The following RUNX1T1 variants were observed in gnomAD, a reference collection of about 807,000 sequenced individuals.
RUNX1T1 encodes protein CBFA2T1.
A neutral mutation model predicts 62.8 loss-of-function variants in RUNX1T1; 4 were observed. The ratio of observed to expected loss-of-function variants is 0.06; its 90% CI spans 0.03 to 0.15. RUNX1T1 has a LOEUF of 0.15. Ranked by LOEUF, RUNX1T1 falls within the 10% of genes least tolerant of loss-of-function variation. RUNX1T1 has a pLI of 1.00. For synonymous variants in RUNX1T1, 291 were observed against 286.0 expected, an observed-to-expected ratio of 1.02 and a Z score of -0.18; for missense variants, 508 against 754.3, an observed-to-expected ratio of 0.67 and a Z score of 3.82.
At chr8:91,969,264 G>T (rs1812272170) in intron 10 of RUNX1T1, among the ~76,000 whole-genome samples, 1 of 152,142 alleles carries the variant, frequency 6.6e-6, no homozygotes, top group South Asian at 2.1e-4. Context: ...AAGGAATACA[G>T]CATGTTACTG....
At chr8:91,963,232 A>G (rs1810895805) in intron 10 of RUNX1T1, among the ~76,000 whole-genome samples, 1 of 152,104 alleles carries the variant, frequency 6.6e-6, no homozygotes, top group African/African-American at 2.4e-5. Flanking sequence ...TTTTACCTCT[A>G]GTTTCATTCT....
At chr8:92,069,862 T>A (rs2086761775) in intron 2 of RUNX1T1, among the ~76,000 whole-genome samples, 1 of 152,206 alleles carries the variant, frequency 6.6e-6, no homozygotes, top group African/African-American at 2.4e-5. Context: ...GCATATACCA[T>A]AATCTTATTA....
intron 1 of RUNX1T1, among the ~76,000 whole-genome samples, chr8:92,060,553 A>ATATATATGTGTGTGTGTGTGTGTGTG: frequency 3.0e-4 from 19 of 63,920 alleles, no homozygotes; most frequent in African/African-American, 9.8e-4. Flanking sequence ...ATATATATAT[A>ATATATATGTGTGTGTGTGTGTGTGTG]TGTGTGTGTG....
At chr8:92,086,070 G>A (rs1587560006) in intron 1 of RUNX1T1, among the ~76,000 whole-genome samples, 1 of 152,148 alleles carries the variant, frequency 6.6e-6, no homozygotes, top group Non-Finnish European at 1.5e-5. Flanking sequence ...TTGGTCTACA[G>A]ACAGTGCTTG....
At chr8:91,986,894 A>G in exon 7 of RUNX1T1, 1 of 1,596,882 alleles carries the variant, frequency 6.3e-7, no homozygotes, top group Middle Eastern at 1.7e-4. Flanking sequence ...TACATGGTCA[A>G]GATGTTTCCA....
At chr8:91,999,351 C>A (rs562672524) in intron 5 of RUNX1T1, among the ~76,000 whole-genome samples, 29 of 152,244 alleles carry the variant, frequency 1.9e-4, no homozygotes, top group Admixed American at 1.2e-3. Context: ...CATATAAACT[C>A]AAGAGGCTTA....
chr8:92,095,404 C>A lies in RUNX1T1; in HGVS notation c.-86+4176G>T, dbSNP rs1253449499. On this transcript the variant is annotated intron_variant, in intron 1 of 11. Transcript: ENST00000265814. ...GGCCGAGGCGGCACCCAGACCGCGGCTTTGTATTCATTAAACACACATTGG... is the reference window on the plus strand; with the variant it reads ...GGCCGAGGCGGCACCCAGACCGCGGATTTGTATTCATTAAACACACATTGG... The A allele has an allele frequency of 2.6e-6, 4 of 1,535,360 alleles. No individual in the cohort carries two copies. The East Asian group carries it at 9.8e-5, about 38-fold the overall frequency.
intron 1 of RUNX1T1, among the ~76,000 whole-genome samples, chr8:92,086,472 C>T (rs1385451990): frequency 6.6e-6 from 1 of 152,142 alleles, no homozygotes; most frequent in Non-Finnish European, 1.5e-5. Context: ...ATGAGGGAGC[C>T]AAGTCCTACA....
chr8:91,965,333 G>A (rs2130518771), intron 10 of RUNX1T1, among the ~76,000 whole-genome samples: 1 of 152,222 alleles, frequency 6.6e-6, no homozygotes, highest in South Asian at 2.1e-4. Context: ...CTTATTAAAT[G>A]CCTCTTGTTG....
At chr8:92,050,424 C>T (rs1321411944) in intron 1 of RUNX1T1, among the ~76,000 whole-genome samples, 1 of 152,174 alleles carries the variant, frequency 6.6e-6, no homozygotes, top group Admixed American at 6.5e-5. Context: ...ATTATGATCC[C>T]TATGTCAGTG....
In RUNX1T1 at chr8:92,017,209, C is replaced by CT. The variant is rs777137708; in HGVS notation, c.145+16dup. 2.0e-6 allele frequency: 3 copies of CT among 1,530,400 alleles called. No homozygotes were observed. The highest frequency in any genetic ancestry group is 2.7e-6 in the Non-Finnish European group (3 of 1,119,004). 94.8% of individuals were successfully genotyped at this position (1,530,400 alleles called of 1,614,324 possible). A position where few individuals can be genotyped will look rare whatever the true frequency, so the allele number is the denominator to read the frequency against. ...AACTTTAAAACTGAAACTCAAAAGC[C>CT]TGAAATGACTACTTACACGTTGTCG... On this transcript the variant is annotated intron_variant, in intron 2 of 10. Coordinates refer to ENST00000396218, the Ensembl canonical transcript of RUNX1T1.
chr8:92,058,026 G>C (rs1242042296), intron 1 of RUNX1T1, among the ~76,000 whole-genome samples: 5 of 152,182 alleles, frequency 3.3e-5, no homozygotes, highest in Non-Finnish European at 1.5e-5. Context: ...CATTCCAATA[G>C]GCGTTCGTGT....
chr8:92,080,586 T>C (rs1005611128), intron 1 of RUNX1T1, among the ~76,000 whole-genome samples: 3 of 152,252 alleles, frequency 2.0e-5, no homozygotes, highest in African/African-American at 7.2e-5. Context: ...GCATGTCAGC[T>C]GTTGTAGAAA....
chr8:92,036,861 CCTCT>C (rs1269224074), intron 1 of RUNX1T1, among the ~76,000 whole-genome samples: 1 of 152,126 alleles, frequency 6.6e-6, no homozygotes, highest in African/African-American at 2.4e-5. Context: ...TCAGTACCTC[CCTCT>C]AACTCCGATC....
chr8:92,005,384 G>A (rs1293485745), intron 4 of RUNX1T1, 87 bp from the exon 6 acceptor site: 27 of 1,206,838 alleles, frequency 2.2e-5, no homozygotes, highest in African/African-American at 3.1e-5. Context: ...CACTGGAGAA[G>A]AGTATGCAAT....
intron 1 of RUNX1T1, among the ~76,000 whole-genome samples, chr8:92,089,295 G>C (rs776315547): frequency 6.6e-6 from 1 of 152,094 alleles, no homozygotes; most frequent in Non-Finnish European, 1.5e-5. Context: ...ACAAACTAAA[G>C]TACAAAATCA....
chr8:91,974,963 C>T (rs1813603178), intron 9 of RUNX1T1, among the ~76,000 whole-genome samples: 1 of 152,228 alleles, frequency 6.6e-6, no homozygotes, highest in South Asian at 2.1e-4. Context: ...AAAGAGAAAT[C>T]TTCTGTAGAA....
upstream of RUNX1T1, chr8:92,102,861 C>T (rs1434836624): frequency 2.0e-6 from 3 of 1,523,322 alleles, no homozygotes; most frequent in Non-Finnish European, 2.6e-6. This position sits in a 1 kb window ranked among gnomAD's most constrained non-coding sequence, Gnocchi z 4.5. Context: ...ACTTACACTG[C>T]ACAGGGCCGG....
chr8:92,018,282 C>T (rs1226482428), intron 1 of RUNX1T1, among the ~76,000 whole-genome samples: 1 of 152,188 alleles, frequency 6.6e-6, no homozygotes, highest in African/African-American at 2.4e-5. Context: ...AATTTCTTAA[C>T]ACTTTGGTTA....
Sources: allele counts gnomAD v4.1 joint callset (sites outside exome capture counted in the v4.1 genomes callset), GRCh38; gene constraint gnomAD v4.1.1; non-coding constraint Gnocchi (gnomAD v3.1); transcripts MANE v1.5; gene names NCBI Gene and HGNC (gene_info 2026-07-23, HGNC 2026-07-21).